Variants in KIF6 observed in about 807,000 individuals in gnomAD.
KIF6 encodes kinesin-like protein KIF6.
Under a neutral mutation model 112.7 loss-of-function variants are expected in KIF6, and 106 were observed. That is an observed-to-expected ratio of 0.94 (90% CI 0.80 to 1.11). The LOEUF (loss-of-function observed/expected upper bound fraction) is 1.11, where lower values mean the gene tolerates loss of function less well. Among genes scored for constraint, KIF6 ranks in the 50% least tolerant of loss-of-function variants. KIF6 has a pLI of 0.00. For synonymous variants in KIF6, 339 were observed against 339.9 expected (o/e 1.00, Z 0.03); for missense variants, 929 against 964.0 (o/e 0.96, Z 0.48).
intron 3 of KIF6, among the ~76,000 whole-genome samples, chr6:39,683,874 G>A (rs1787682283): frequency 6.6e-6 from 1 of 152,200 alleles, no homozygotes; most frequent in Non-Finnish European, 1.5e-5. Flanking sequence ...CAGACCTGGT[G>A]TGGATCTGAC....
chr6:39,650,342 G>A (rs560672496), intron 3 of KIF6, among the ~76,000 whole-genome samples: 19 of 152,062 alleles, frequency 1.2e-4, no homozygotes, highest in Non-Finnish European at 2.8e-4. Flanking sequence ...AGCAGCTTAA[G>A]TCTGGTAAAA....
chr6:39,435,479 C>T (rs1771456624), intron 13 of KIF6, among the ~76,000 whole-genome samples: 1 of 152,118 alleles, frequency 6.6e-6, no homozygotes, highest in African/African-American at 2.4e-5. Context: ...CACTCCTCAC[C>T]TGAATAGTGT....
chr6:39,567,166 A>C (rs1469526595), intron 10 of KIF6, among the ~76,000 whole-genome samples: 1 of 152,214 alleles, frequency 6.6e-6, no homozygotes, highest in Non-Finnish European at 1.5e-5. Flanking sequence ...TCAAGGAATC[A>C]TAGTAACAGG....
chr6:39,455,532 C>T (rs1053659645), intron 13 of KIF6, among the ~76,000 whole-genome samples: 5 of 152,232 alleles, frequency 3.3e-5, no homozygotes, highest in South Asian at 4.2e-4. Flanking sequence ...ATGATTTTGA[C>T]GAGCTGAAGG....
At chr6:39,427,290 T>C (rs1048639398) in intron 14 of KIF6, among the ~76,000 whole-genome samples, 9 of 152,204 alleles carry the variant, frequency 5.9e-5, no homozygotes, top group African/African-American at 2.2e-4. Flanking sequence ...TGGAAGGGCA[T>C]TTCCTAAAGT....
chr6:39,575,462 G>T (rs2150631125), intron 10 of KIF6, among the ~76,000 whole-genome samples: 1 of 152,064 alleles, frequency 6.6e-6, no homozygotes, highest in East Asian at 1.9e-4. Context: ...TAGTAGAGAT[G>T]GGTTTCACCA....
intron 13 of KIF6, among the ~76,000 whole-genome samples, chr6:39,483,183 G>A (rs1774907333): frequency 6.6e-6 from 1 of 152,156 alleles, no homozygotes; most frequent in Non-Finnish European, 1.5e-5. Flanking sequence ...CTTGCTCCCT[G>A]CTGATCTTTT....
chr6:39,500,502 T>C (rs1250124145), intron 13 of KIF6, among the ~76,000 whole-genome samples: 4 of 152,100 alleles, frequency 2.6e-5, no homozygotes, highest in Non-Finnish European at 1.5e-5. Flanking sequence ...TGCGTGAAAT[T>C]GGAGGCACAT....
In KIF6 at chr6:39,634,906, T is replaced by G. The variant is rs1402635396; in HGVS notation, c.452A>C (p.Glu151Ala). The change falls in exon 5 of 23, where the codon GAA becomes GCA. Residue 151 changes from glutamate (E) to alanine (A), a missense_variant. Glu to Ala is a moderately radical substitution (Grantham distance 107). Coordinates refer to ENST00000287152, the MANE Select transcript of KIF6 (RefSeq NM_145027.6). The part of the protein sequence containing the change: ...THISYLEIYN[E>A]CGYDLLDPRH... ...TGGATCCAAAAGATCATAACCACAT[T>G]CATTGTAGATTTCCAAATAGGAAAT... is the stretch of plus-strand genomic sequence containing the variant. The G allele has an allele frequency of 6.2e-7, 1 of 1,612,562 alleles. No individual in the cohort carries two copies. Among genetic ancestry groups the G allele is most frequent in the Non-Finnish European group, 8.5e-7 (1 of 1,178,968 alleles).
intron 10 of KIF6, among the ~76,000 whole-genome samples, chr6:39,564,801 T>C (rs1347370937): frequency 6.6e-6 from 1 of 152,238 alleles, no homozygotes; most frequent in Non-Finnish European, 1.5e-5. Flanking sequence ...CATTTTTTAA[T>C]AGGTGTAAAA....
intron 19 of KIF6, among the ~76,000 whole-genome samples, chr6:39,356,726 G>A (rs774899860): frequency 1.3e-5 from 2 of 152,272 alleles, no homozygotes; most frequent in East Asian, 1.9e-4. Flanking sequence ...GTGCTTCCTC[G>A]GTGCTACCCC....
intron 13 of KIF6, among the ~76,000 whole-genome samples, chr6:39,525,826 T>C (rs1046569444): frequency 9.9e-5 from 15 of 151,078 alleles, no homozygotes; most frequent in Admixed American, 9.2e-4. Flanking sequence ...AATAAATAAA[T>C]AAATAAATAA....
intron 3 of KIF6, among the ~76,000 whole-genome samples, chr6:39,640,710 A>G (rs543942595): frequency 6.6e-6 from 1 of 152,174 alleles, no homozygotes; most frequent in East Asian, 1.9e-4. Flanking sequence ...CTGTGTGTTG[A>G]GTGATCTGTC....
At chr6:39,499,772 C>T (rs1016820633) in intron 13 of KIF6, among the ~76,000 whole-genome samples, 2 of 152,184 alleles carry the variant, frequency 1.3e-5, no homozygotes, top group African/African-American at 4.8e-5. Flanking sequence ...TCCTCTTCAA[C>T]CTCCCTCATA....
intron 4 of KIF6, among the ~76,000 whole-genome samples, chr6:39,638,269 A>C (rs977455389): frequency 6.6e-6 from 1 of 152,070 alleles, no homozygotes; most frequent in Non-Finnish European, 1.5e-5. Context: ...AATCCATAAG[A>C]CTGAGGCATT....
At chr6:39,484,543 G>A (rs968890293) in intron 13 of KIF6, among the ~76,000 whole-genome samples, 18 of 152,182 alleles carry the variant, frequency 1.2e-4, no homozygotes, top group Admixed American at 4.6e-4. Context: ...GGGAGATGGA[G>A]TAAAAGAAGA....
intron 15 of KIF6, among the ~76,000 whole-genome samples, chr6:39,390,640 TA>T (rs1767805708): frequency 6.6e-6 from 1 of 152,194 alleles, no homozygotes; most frequent in African/African-American, 2.4e-5. Flanking sequence ...TGGACCCAGA[TA>T]AATGCTATTT....
chr6:39,670,167 G>A (rs1023280825), intron 3 of KIF6, among the ~76,000 whole-genome samples: 22 of 152,142 alleles, frequency 1.4e-4, no homozygotes, highest in Admixed American at 3.9e-4. Flanking sequence ...CTCAAAGAGC[G>A]TTTGGGGAAC....
At chr6:39,629,184 A>C (rs1303763997) in intron 5 of KIF6, among the ~76,000 whole-genome samples, 2 of 152,106 alleles carry the variant, frequency 1.3e-5, no homozygotes, top group Non-Finnish European at 2.9e-5. Context: ...ATTTCGGTAA[A>C]AACCTAGGAG....
Sources: gnomAD v4.1 joint callset for allele counts (sites outside exome capture counted in the v4.1 genomes callset) on GRCh38, gnomAD v4.1.1 for gene constraint, MANE v1.5 for transcripts, NCBI Gene and HGNC (gene_info 2026-07-23, HGNC 2026-07-21) for gene names.